Variants in PHTF1 observed in about 807,000 individuals in gnomAD.
PHTF1 encodes the protein putative homeodomain transcription factor 1.
In PHTF1, 88 loss-of-function variants were observed where a neutral mutation model predicts 102.4. The ratio of observed to expected loss-of-function variants is 0.86; its 90% CI spans 0.72 to 1.03. PHTF1 has a LOEUF of 1.03. Ranked by LOEUF, PHTF1 falls within the 50% of genes least tolerant of loss-of-function variation. PHTF1 has a pLI of 0.00. For missense variants in PHTF1, 814 were observed against 909.5 expected (o/e 0.89, Z 1.35); for synonymous variants, 289 against 305.2 (o/e 0.95, Z 0.55).
At position 113,726,531 on chromosome 1, in the gene PHTF1, T is replaced by TA. The variant is rs1256351989; in HGVS notation, c.374dup (p.Ser126LysfsTer2). 8 of 1,607,952 alleles carry TA rather than the reference T, an allele frequency of 5.0e-6. 1 individual carries two copies. The South Asian group carries it at 7.8e-5, about 16-fold the overall frequency. ...GGCACAAGGGTCCAAGTACTTCACT[T>TA]ATGTTCACAATAGGCATCATCAAAT... On this transcript the variant is annotated frameshift_variant, in exon 6 of 19. Coordinates refer to ENST00000369604, the MANE Select transcript of PHTF1 (RefSeq NM_001323043.2). LOFTEE classifies it high-confidence loss of function.
intron 7 of PHTF1, among the ~76,000 whole-genome samples, chr1:113,720,957 A>C (rs998049908): frequency 2.0e-5 from 3 of 152,166 alleles, no homozygotes; most frequent in Admixed American, 2.0e-4. Flanking sequence ...AAAATTAGGG[A>C]GGGAGGGATG....
At chr1:113,734,688 A>G (rs1207772497) in intron 5 of PHTF1, among the ~76,000 whole-genome samples, 1 of 152,216 alleles carries the variant, frequency 6.6e-6, no homozygotes, top group African/African-American at 2.4e-5. Flanking sequence ...AAAGATTTGA[A>G]AAGTTCTTAG....
chr1:113,721,888 G>C (rs1653005865), intron 7 of PHTF1, among the ~76,000 whole-genome samples: 1 of 151,416 alleles, frequency 6.6e-6, no homozygotes, highest in Non-Finnish European at 1.5e-5. Context: ...TAGAGACAGG[G>C]TTTCACCATG....
At chr1:113,717,012 T>C (rs1475359344) in intron 7 of PHTF1, among the ~76,000 whole-genome samples, 1 of 152,072 alleles carries the variant, frequency 6.6e-6, no homozygotes, top group Non-Finnish European at 1.5e-5. Flanking sequence ...TTTCAAGACA[T>C]AGACAGTATA....
rs578112759 is a variant in PHTF1, at chr1:113,701,609, G to A, written c.1891-660C>T. Among the ~76,000 whole-genome samples, 8 of 151,424 alleles carry A rather than the reference G, an allele frequency of 5.3e-5. No homozygotes were observed. The South Asian group carries it at 1.0e-3, about 20-fold the overall frequency. On this transcript the variant is annotated intron_variant, in intron 15 of 18. Transcript: ENST00000369604. ...GCCCTCTCCATCTCGCTTCCCCCAG[G>A]GCTACGTAGGCTCCCATCTCCACTC...
intron 3 of PHTF1, among the ~76,000 whole-genome samples, chr1:113,751,670 A>G (rs1658099281): frequency 6.6e-6 from 1 of 152,178 alleles, no homozygotes; most frequent in Non-Finnish European, 1.5e-5. Context: ...GAACATTTGC[A>G]TGTATTTATG....
At chr1:113,712,839 T>G (rs1288801826) in intron 8 of PHTF1, among the ~76,000 whole-genome samples, 1 of 150,130 alleles carries the variant, frequency 6.7e-6, no homozygotes, top group Non-Finnish European at 1.5e-5. Flanking sequence ...CAGGTTGGAG[T>G]GCAGTGGCGC....
chr1:113,700,033 T>C lies in PHTF1; in HGVS notation c.2047-234A>G, dbSNP rs1217622785. 8.2e-6 allele frequency: 9 copies of C among 1,100,470 alleles called. No homozygotes were observed. The South Asian group carries it at 1.4e-4, about 17-fold the overall frequency. The allele number at this position is 1,100,470 out of a possible 1,614,324, so 68.2% of individuals were successfully genotyped here. A position where few individuals can be genotyped will look rare whatever the true frequency, so the allele number is the denominator to read the frequency against. Reference sequence around the variant, plus strand: ...AATTAATGATGAAGCAATTTAAATATCAAAACAATGAAAAATTTTAATATT... The same window carrying C: ...AATTAATGATGAAGCAATTTAAATACCAAAACAATGAAAAATTTTAATATT... On this transcript the variant is annotated intron_variant, in intron 16 of 18. Coordinates refer to ENST00000369604, the MANE Select transcript of PHTF1 (RefSeq NM_001323043.2).
chr1:113,708,530 G>A (rs1238444656), intron 11 of PHTF1, among the ~76,000 whole-genome samples: 1 of 152,150 alleles, frequency 6.6e-6, no homozygotes, highest in Non-Finnish European at 1.5e-5. Flanking sequence ...CTACTCAGGA[G>A]GCTGAGGCAG....
chr1:113,734,830 G>A (rs962706985), intron 5 of PHTF1, among the ~76,000 whole-genome samples: 13 of 152,048 alleles, frequency 8.5e-5, no homozygotes, highest in Non-Finnish European at 1.3e-4. Flanking sequence ...GAGCTCCCTT[G>A]CCCCTTCCAC....
chr1:113,706,444 T>G, intron 12 of PHTF1, 150 bp downstream of exon 12: 1 of 502,040 alleles, frequency 2.0e-6, no homozygotes, highest in South Asian at 6.7e-5. Context: ...AAATTACATA[T>G]ATATGTTAAT....
intron 11 of PHTF1, among the ~76,000 whole-genome samples, chr1:113,709,357 A>G (rs866581415): frequency 3.9e-5 from 6 of 152,354 alleles, no homozygotes; most frequent in South Asian, 2.1e-4. Context: ...GTATTTTTGA[A>G]TCAAGAATAT....
intron 1 of PHTF1, 133 bp from the exon 2 acceptor site, chr1:113,758,866 C>A: frequency 7.7e-7 from 1 of 1,305,096 alleles, no homozygotes; most frequent in Admixed American, 3.8e-5. Context: ...CCAGGGAAAA[C>A]ACAACAAACA....
intron 3 of PHTF1, among the ~76,000 whole-genome samples, chr1:113,755,896 TA>T (rs34264654): frequency 0.38 from 55,248 of 145,984 alleles, 11,112 homozygotes; most frequent in East Asian, 0.84. Context: ...CCGTCTCTAC[TA>T]AAAAAAAAAA....
At chr1:113,699,986 G>A in intron 16 of PHTF1, 187 bp from the exon 17 acceptor site, 1 of 826,510 alleles carries the variant, frequency 1.2e-6, no homozygotes, top group Non-Finnish European at 1.6e-6. Context: ...CTCTGGCAAA[G>A]AAAAACTATT....
chr1:113,749,994 T>C (rs187760906), intron 3 of PHTF1, among the ~76,000 whole-genome samples: 1 of 152,076 alleles, frequency 6.6e-6, no homozygotes, highest in East Asian at 1.9e-4. Context: ...GGGTTTTGTT[T>C]TGTTTTTGTT....
chr1:113,753,450 C>T (rs758692454), intron 3 of PHTF1, among the ~76,000 whole-genome samples: 2 of 151,038 alleles, frequency 1.3e-5, no homozygotes, highest in Non-Finnish European at 2.9e-5. Flanking sequence ...ATTTTTGAGA[C>T]GGAGTCTCGC....
intron 10 of PHTF1, 67 bp from the exon 11 acceptor site, chr1:113,710,542 T>C: frequency 8.5e-7 from 1 of 1,178,162 alleles, no homozygotes; most frequent in Non-Finnish European, 1.2e-6. Context: ...TGAAATAAAA[T>C]TAAAACAACT....
intron 3 of PHTF1, among the ~76,000 whole-genome samples, chr1:113,745,687 G>A (rs574917886): frequency 7.4e-4 from 112 of 152,242 alleles, no homozygotes; most frequent in African/African-American, 2.5e-3. Flanking sequence ...TCACAGGAGT[G>A]CAAACCCCAC....
Sources: gnomAD v4.1 joint callset for allele counts (sites outside exome capture counted in the v4.1 genomes callset) on GRCh38, gnomAD v4.1.1 for gene constraint, MANE v1.5 for transcripts, NCBI Gene and HGNC (gene_info 2026-07-23, HGNC 2026-07-21) for gene names.